The following VPS53 variants were observed in gnomAD, a reference collection of about 807,000 sequenced individuals.
The protein encoded by VPS53 is vacuolar protein sorting-associated protein 53 homolog.
A neutral mutation model predicts 107.0 loss-of-function variants in VPS53; 70 were observed. The ratio of observed to expected loss-of-function variants is 0.65; its 90% CI spans 0.54 to 0.80. The LOEUF is 0.80. Ranked by LOEUF, VPS53 falls within the 30% of genes least tolerant of loss-of-function variation. The pLI is 0.00. For synonymous variants in VPS53, 409 were observed against 393.3 expected (o/e 1.04, Z -0.47); for missense variants, 917 against 1,049.4 (o/e 0.87, Z 1.74).
At chr17:632,773 C>T (rs1305915087) in intron 7 of VPS53, 3 of 456,292 alleles carry the variant, frequency 6.6e-6, no homozygotes, top group Middle Eastern at 3.3e-4. Context: ...ATCTGTCTTC[C>T]CGTGTCTGGC....
intron 4 of VPS53, among the ~76,000 whole-genome samples, chr17:665,638 A>G (rs1971648732): frequency 6.6e-6 from 1 of 152,188 alleles, no homozygotes; most frequent in Non-Finnish European, 1.5e-5. Flanking sequence ...GCTCAGAAGA[A>G]AAGCAGAAAT....
rs9891476 is a variant in VPS53 at position 659,193 on chromosome 17, G to A, written c.372+2616C>T. ...AACCTGATCACCCACTTGCAACTCTGAAATCAGCATCCTTTTTCCTACAAA... is the reference window on the plus strand; with the variant it reads ...AACCTGATCACCCACTTGCAACTCTAAAATCAGCATCCTTTTTCCTACAAA... On this transcript the variant is annotated intron_variant, in intron 5 of 21. Transcript: ENST00000437048. Among the ~76,000 whole-genome samples, 254 of 152,286 alleles carry A rather than the reference G, an allele frequency of 1.7e-3. 1 individual carries two copies. The highest frequency in any genetic ancestry group is 5.6e-3 in the African/African-American group (234 of 41,574).
intron 4 of VPS53, among the ~76,000 whole-genome samples, chr17:666,673 A>AT (rs1221810348): frequency 2.0e-5 from 3 of 151,862 alleles, no homozygotes; most frequent in Admixed American, 1.3e-4. Flanking sequence ...TCAAAACAAC[A>AT]ACAACAACAA....
chr17:552,439 C>A (rs1454132036), intron 16 of VPS53: 1 of 153,040 alleles, frequency 6.5e-6, no homozygotes, highest in Admixed American at 6.5e-5. Context: ...TGGCCCATGC[C>A]TGTCTCATTT....
intron 5 of VPS53, among the ~76,000 whole-genome samples, chr17:658,707 G>A (rs1040279698): frequency 6.7e-6 from 1 of 148,388 alleles, no homozygotes; most frequent in Non-Finnish European, 1.5e-5. Flanking sequence ...CCGTGAGTTC[G>A]TGGATAGATA....
chr17:660,187 T>C (rs907566235), intron 5 of VPS53, among the ~76,000 whole-genome samples: 2 of 152,346 alleles, frequency 1.3e-5, no homozygotes, highest in South Asian at 2.1e-4. Context: ...TCACCAACGA[T>C]GCATCCTAGA....
Position 596,401 on chromosome 17 carries a change from G to C in VPS53, c.1218+5394C>G, listed in dbSNP as rs559034445. On this transcript the variant is annotated intron_variant, in intron 12 of 21. Coordinates refer to ENST00000437048, the MANE Select transcript of VPS53 (RefSeq NM_001128159.3). ...CCCTGCCCTTGATGACGTCCCACAG[G>C]TCCTGCCCTTGATGAGGCCCCACAG... Among the ~76,000 whole-genome samples, 5 of 152,156 alleles carry C rather than the reference G, an allele frequency of 3.3e-5. No individual in the cohort carries two copies. The South Asian group carries it at 1.0e-3, about 32-fold the overall frequency.
chr17:526,210 T>C (rs140840679), intron 19 of VPS53, among the ~76,000 whole-genome samples: 3,075 of 152,102 alleles, frequency 0.02, 34 homozygotes, highest in Middle Eastern at 0.051. Context: ...TGTCTTAGCA[T>C]TCATTTGTTG....
At chr17:626,251 G>A (rs1193012602) in intron 10 of VPS53, among the ~76,000 whole-genome samples, 2 of 151,888 alleles carry the variant, frequency 1.3e-5, no homozygotes, top group Non-Finnish European at 2.9e-5. Context: ...CTTTGTCATA[G>A]ATATACTGAT....
chr17:632,005 T>C (rs973269510), intron 7 of VPS53, among the ~76,000 whole-genome samples: 1 of 152,152 alleles, frequency 6.6e-6, no homozygotes, highest in African/African-American at 2.4e-5. Flanking sequence ...TCCCAGCATG[T>C]GGGAAGCTGA....
intron 7 of VPS53, among the ~76,000 whole-genome samples, chr17:645,809 A>C (rs1241180783): frequency 2.7e-5 from 4 of 149,528 alleles, no homozygotes; most frequent in Non-Finnish European, 6.0e-5. Context: ...ACTGCCTCCT[A>C]AGGGTCTTAT....
At chr17:565,303 T>G (rs949729178) in intron 13 of VPS53, among the ~76,000 whole-genome samples, 3 of 146,176 alleles carry the variant, frequency 2.1e-5, no homozygotes, top group African/African-American at 7.6e-5. Context: ...CTCGGGAGGC[T>G]GAGGTAGGAG....
chr17:663,337 G>A (rs563891990), intron 4 of VPS53, among the ~76,000 whole-genome samples: 8 of 152,368 alleles, frequency 5.3e-5, no homozygotes, highest in African/African-American at 1.9e-4. Context: ...CATGAGGGCA[G>A]TTGTGACATG....
chr17:620,077 T>C (rs943121778), intron 11 of VPS53, among the ~76,000 whole-genome samples: 3 of 152,216 alleles, frequency 2.0e-5, no homozygotes, highest in African/African-American at 7.2e-5. Flanking sequence ...AAGAAATCAA[T>C]ATTGAACATT....
chr17:562,773 G>C, intron 13 of VPS53, 28 bp from the exon 14 acceptor site: 3 of 1,585,498 alleles, frequency 1.9e-6, no homozygotes, highest in Non-Finnish European at 2.6e-6. Context: ...AACCAAAAAT[G>C]TTATTTTACT....
intron 4 of VPS53, among the ~76,000 whole-genome samples, chr17:679,049 G>A (rs1212083157): frequency 6.6e-6 from 1 of 152,162 alleles, no homozygotes; most frequent in Admixed American, 6.5e-5. Flanking sequence ...GGAGCATAAA[G>A]ACAACAGAGA....
At position 509,566 on chromosome 17, in the gene VPS53, A is replaced by AC. The variant is rs1907809009; in HGVS notation, c.*9561dup. The AC allele has an allele frequency of 7.0e-6, 1 of 141,932 alleles. No homozygotes were observed. 8.8% of individuals were successfully genotyped at this position (141,932 alleles called of 1,614,324 possible). A position where few individuals can be genotyped will look rare whatever the true frequency, so the allele number is the denominator to read the frequency against. ...GTAGCCACATATCAAATCCTGGCTC[A>AC]CTCCTCACTACTCACATATCGAATC... On this transcript the variant is annotated 3_prime_UTR_variant, in exon 22 of 22. Coordinates refer to ENST00000437048, the MANE Select transcript of VPS53 (RefSeq NM_001128159.3).
At chr17:525,702 A>C (rs1482203101) in intron 19 of VPS53, among the ~76,000 whole-genome samples, 1 of 151,728 alleles carries the variant, frequency 6.6e-6, no homozygotes, top group Non-Finnish European at 1.5e-5. Flanking sequence ...TCTTAAGAAA[A>C]GAAAAAAAAA....
chr17:628,088 A>C lies in VPS53; in HGVS notation c.831T>G (p.Asp277Glu), dbSNP rs1329988665. The change falls in exon 9 of 22, where the codon GAT becomes GAG. Residue 277 changes from aspartate to glutamate, a missense_variant and splice_region_variant. Physicochemically the swap from Asp to Glu is conservative, Grantham distance 45. Coordinates refer to ENST00000437048, the MANE Select transcript of VPS53 (RefSeq NM_001128159.3). ...CTGATCTTATTTGGTCAATACTCAC[A>C]TCTTGGTTTTCTTGAAAAAGTACCA... ...EYLVLFQENQ[D>E]VAWLDKIDRR... 2 of 1,611,168 alleles carry C rather than the reference A, an allele frequency of 1.2e-6. No homozygotes were observed. Among genetic ancestry groups the C allele is most frequent in the Middle Eastern group, 1.7e-4 (1 of 5,990 alleles).
Sources: allele counts gnomAD v4.1 joint callset (sites outside exome capture counted in the v4.1 genomes callset), GRCh38; gene constraint gnomAD v4.1.1; transcripts MANE v1.5; gene names NCBI Gene and HGNC (gene_info 2026-07-23, HGNC 2026-07-21).